SORBS2: variants seen among roughly 807,000 people sequenced by gnomAD.
SORBS2 encodes the protein sorbin and SH3 domain containing 2.
Under a neutral mutation model 97.7 loss-of-function variants are expected in SORBS2, and 46 were observed. The ratio of observed to expected loss-of-function variants is 0.47; its 90% confidence interval spans 0.37 to 0.60. The LOEUF is 0.60. Among genes scored for constraint, SORBS2 ranks in the 20% least tolerant of loss-of-function variants. The pLI, the probability that SORBS2 is intolerant of heterozygous loss-of-function variation, is 0.00. For synonymous variants in SORBS2, 476 were observed against 473.4 expected, an observed-to-expected ratio of 1.01 and a Z score of -0.07; for missense variants, 1,316 against 1,282.3, an observed-to-expected ratio of 1.03 and a Z score of -0.40.
chr4:185,922,434 G>T (rs992110972), intron 1 of SORBS2, among the ~76,000 whole-genome samples: 2 of 152,108 alleles, frequency 1.3e-5, no homozygotes, highest in Non-Finnish European at 2.9e-5. Flanking sequence ...CTTCATGGAA[G>T]GTTCCTTCCA....
chr4:185,828,861 A>T (rs2099203529), intron 1 of SORBS2, among the ~76,000 whole-genome samples: 1 of 152,174 alleles, frequency 6.6e-6, no homozygotes, highest in South Asian at 2.1e-4. Flanking sequence ...CCTGTGGTGG[A>T]GGCAACTACA....
intron 1 of SORBS2, among the ~76,000 whole-genome samples, chr4:185,858,284 G>T (rs1290289597): frequency 6.6e-6 from 1 of 152,164 alleles, no homozygotes; most frequent in African/African-American, 2.4e-5. Flanking sequence ...GAGCTCCAAA[G>T]CTCTTGCTTT....
intron 12 of SORBS2, among the ~76,000 whole-genome samples, chr4:185,595,727 C>T (rs2096068863): frequency 6.7e-6 from 1 of 150,160 alleles, no homozygotes; most frequent in Non-Finnish European, 1.5e-5. Flanking sequence ...AACCATTCCT[C>T]TCTTTTTTTT....
intron 1 of SORBS2, among the ~76,000 whole-genome samples, chr4:185,920,215 A>T (rs2099260314): frequency 6.6e-6 from 1 of 152,224 alleles, no homozygotes; most frequent in African/African-American, 2.4e-5. Flanking sequence ...GAATGGCCAG[A>T]TAAAAATCAG....
At chr4:185,604,596 G>A (rs571549274) in intron 12 of SORBS2, among the ~76,000 whole-genome samples, 8 of 152,248 alleles carry the variant, frequency 5.3e-5, no homozygotes, top group African/African-American at 1.7e-4. Flanking sequence ...TGCTCTTTAC[G>A]GAATTTCCTC....
chr4:185,619,949 A>G (rs193261019), intron 8 of SORBS2, 114 bp downstream of exon 20: 1 of 748,830 alleles, frequency 1.3e-6, no homozygotes, highest in East Asian at 2.5e-5. Context: ...CTAGTTTCTC[A>G]GTATTTTCAC....
chr4:185,667,826 CTGAG>C (rs1336617496), intron 4 of SORBS2, among the ~76,000 whole-genome samples: 5 of 151,184 alleles, frequency 3.3e-5, no homozygotes, highest in Non-Finnish European at 7.4e-5. Context: ...CTTATTATTA[CTGAG>C]TGTTTACAAT....
intron 2 of SORBS2, among the ~76,000 whole-genome samples, chr4:185,748,162 G>T (rs1490345031): frequency 6.6e-6 from 1 of 152,086 alleles, no homozygotes; most frequent in East Asian, 1.9e-4. Flanking sequence ...GACTTGCTTT[G>T]GAACTAGAAA....
intron 2 of SORBS2, among the ~76,000 whole-genome samples, chr4:185,700,825 C>CA (rs541424508): frequency 6.9e-4 from 105 of 152,288 alleles, no homozygotes; most frequent in Non-Finnish European, 7.5e-4. Flanking sequence ...TCTTACCCCC[C>CA]ACATATGTTC....
At chr4:185,758,442 C>T (rs2098844075) in intron 2 of SORBS2, among the ~76,000 whole-genome samples, 1 of 152,182 alleles carries the variant, frequency 6.6e-6, no homozygotes, top group South Asian at 2.1e-4. Context: ...GGGTTCTCCT[C>T]CTCCTCCTGG....
intron 1 of SORBS2, among the ~76,000 whole-genome samples, chr4:185,836,310 C>T (rs575101887): frequency 6.6e-6 from 1 of 152,296 alleles, no homozygotes; most frequent in Non-Finnish European, 1.5e-5. Context: ...CCCTTCCACA[C>T]GGCTTTACTT....
At chr4:185,695,945 T>C (rs1023865268) in intron 2 of SORBS2, among the ~76,000 whole-genome samples, 1 of 152,216 alleles carries the variant, frequency 6.6e-6, no homozygotes, top group African/African-American at 2.4e-5. Flanking sequence ...GCGGCATGAC[T>C]GTCCATGCTC....
At chr4:185,879,373 T>A (rs952664888) in intron 1 of SORBS2, among the ~76,000 whole-genome samples, 8 of 152,124 alleles carry the variant, frequency 5.3e-5, no homozygotes, top group Non-Finnish European at 1.2e-4. Context: ...GGCTGCATAG[T>A]ATTCCATGGT....
In SORBS2 at chr4:185,623,753, A is replaced by T. The variant is rs112229622; in HGVS notation, c.1376T>A (p.Leu459Gln). Reference sequence around the variant, plus strand: ...GGGGCCGCTTTGATTTTCTTCCTCCAGCAAATACTCAATGGAAAACCGCCT... The same window carrying T: ...GGGGCCGCTTTGATTTTCTTCCTCCTGCAAATACTCAATGGAAAACCGCCT... The change falls in exon 7 of 15, where the codon CTG becomes CAG. Residue 459 changes from leucine to glutamine, a missense_variant. Physicochemically the swap from Leu to Gln is moderately radical, Grantham distance 113. Transcript: ENST00000418609. This position sits in a 1 kb window ranked among gnomAD's most constrained non-coding sequence, Gnocchi z 6.4. 1 of 1,614,136 alleles carries T rather than the reference A, an allele frequency of 6.2e-7. No individual in the cohort carries two copies. The highest frequency in any genetic ancestry group is 1.1e-5 in the South Asian group (1 of 91,076).
chr4:185,692,189 C>A (rs2098111291), intron 2 of SORBS2, among the ~76,000 whole-genome samples: 1 of 152,214 alleles, frequency 6.6e-6, no homozygotes, highest in Non-Finnish European at 1.5e-5. Context: ...CCTGCAAGAG[C>A]TGTCTGACCC....
intron 2 of SORBS2, among the ~76,000 whole-genome samples, chr4:185,763,984 A>G (rs2098919770): frequency 6.6e-6 from 1 of 152,242 alleles, no homozygotes; most frequent in South Asian, 2.1e-4. Flanking sequence ...GCTTTTTCCA[A>G]TAACATTAAG....
intron 6 of SORBS2, among the ~76,000 whole-genome samples, chr4:185,625,267 G>C (rs1204820595): frequency 6.6e-6 from 1 of 152,162 alleles, no homozygotes; most frequent in African/African-American, 2.4e-5. Context: ...TCTCGGAAGA[G>C]TTCTTTGAAA....
At chr4:185,772,054 A>G (rs1420744012) in intron 2 of SORBS2, 1 of 152,192 alleles carries the variant, frequency 6.6e-6, no homozygotes, top group East Asian at 1.9e-4. Context: ...ACAAATTTAT[A>G]TGATCTACAA....
chr4:185,833,795 T>C (rs565184957), intron 1 of SORBS2, among the ~76,000 whole-genome samples: 2 of 152,292 alleles, frequency 1.3e-5, no homozygotes, highest in South Asian at 2.1e-4. Flanking sequence ...AATACAAAAA[T>C]GAAAATGTAA....
Sources: gnomAD v4.1 joint callset for allele counts (sites outside exome capture counted in the v4.1 genomes callset) on GRCh38, gnomAD v4.1.1 for gene constraint, Gnocchi (gnomAD v3.1) non-coding constraint, MANE v1.5 for transcripts, NCBI Gene and HGNC (gene_info 2026-07-23, HGNC 2026-07-21) for gene names.